Variants in XPR1 observed in about 807,000 individuals in gnomAD.
XPR1 encodes xenotropic and polytropic retrovirus receptor 1, also known as solute carrier family 53 member 1.
XPR1 carries 28 observed loss-of-function variants against 87.5 expected under a neutral mutation model. The ratio of observed to expected loss-of-function variants is 0.32; its 90% CI spans 0.24 to 0.44. The LOEUF is 0.44. Among genes scored for constraint, XPR1 ranks in the 20% least tolerant of loss-of-function variants. The pLI is 1.00. For synonymous variants in XPR1, 300 were observed against 306.1 expected (o/e 0.98, Z 0.21); for missense variants, 559 against 862.3 (o/e 0.65, Z 4.41).
chr1:180,719,742 A>G (rs1026540938), intron 2 of XPR1, among the ~76,000 whole-genome samples: 6 of 152,178 alleles, frequency 3.9e-5, no homozygotes, highest in South Asian at 2.1e-4. Flanking sequence ...TGTTGCGAGC[A>G]TCTTAAAAAA....
chr1:180,752,756 G>T (rs1489167093), intron 2 of XPR1, among the ~76,000 whole-genome samples: 1 of 151,822 alleles, frequency 6.6e-6, no homozygotes, highest in African/African-American at 2.4e-5. Context: ...TTGAACATTT[G>T]GTTATTATTT....
At chr1:180,745,917 T>G (rs764785513) in intron 2 of XPR1, among the ~76,000 whole-genome samples, 5 of 152,238 alleles carry the variant, frequency 3.3e-5, no homozygotes, top group Non-Finnish European at 7.3e-5. Context: ...ACCAAAACTT[T>G]GCTTGCTTTT....
At chr1:180,735,921 C>T (rs1242732408) in intron 2 of XPR1, among the ~76,000 whole-genome samples, 3 of 152,056 alleles carry the variant, frequency 2.0e-5, no homozygotes, top group African/African-American at 4.8e-5. Flanking sequence ...GTTCATTACC[C>T]CTCAAGGCAT....
chr1:180,759,558 A>G (rs1395602135), intron 2 of XPR1, among the ~76,000 whole-genome samples: 1 of 152,200 alleles, frequency 6.6e-6, no homozygotes, highest in Non-Finnish European at 1.5e-5. Context: ...TCCCAAGACT[A>G]AACCAGGAAG....
chr1:180,802,313 T>C (rs760156988), intron 3 of XPR1, among the ~76,000 whole-genome samples: 2 of 152,204 alleles, frequency 1.3e-5, no homozygotes, highest in Non-Finnish European at 2.9e-5. Context: ...AGAGTATTAT[T>C]TTTAAATGTA....
intron 2 of XPR1, among the ~76,000 whole-genome samples, chr1:180,708,780 A>C (rs1657641973): frequency 6.6e-6 from 1 of 152,074 alleles, no homozygotes; most frequent in African/African-American, 2.4e-5. Flanking sequence ...TTGTAAAGTT[A>C]AATATTGTTT....
chr1:180,861,148 T>G (rs1292283429), intron 11 of XPR1, among the ~76,000 whole-genome samples: 1 of 152,156 alleles, frequency 6.6e-6, no homozygotes, highest in Non-Finnish European at 1.5e-5. Context: ...TATTACTCTA[T>G]TCTCATGTCC....
chr1:180,652,429 T>C (rs1179651481), intron 1 of XPR1, among the ~76,000 whole-genome samples: 1 of 152,230 alleles, frequency 6.6e-6, no homozygotes, highest in Non-Finnish European at 1.5e-5. Context: ...AGCTTTATTT[T>C]ATTATCAGAA....
intron 1 of XPR1, among the ~76,000 whole-genome samples, chr1:180,667,000 C>T (rs917116570): frequency 3.3e-5 from 5 of 152,176 alleles, no homozygotes; most frequent in Non-Finnish European, 7.4e-5. Flanking sequence ...ATTGCAACCT[C>T]CACCTCCCAG....
At chr1:180,702,872 T>C (rs888276991) in intron 2 of XPR1, among the ~76,000 whole-genome samples, 3 of 152,208 alleles carry the variant, frequency 2.0e-5, no homozygotes, top group Admixed American at 6.5e-5. Context: ...TCTTGCATCC[T>C]TATGCTGATA....
intron 2 of XPR1, among the ~76,000 whole-genome samples, chr1:180,703,263 T>G (rs1657419964): frequency 6.6e-6 from 1 of 152,006 alleles, no homozygotes; most frequent in South Asian, 2.1e-4. Context: ...GTGGGTTGAT[T>G]CCCAGGTCAC....
intron 3 of XPR1, among the ~76,000 whole-genome samples, chr1:180,792,575 C>T (rs1649427165): frequency 6.6e-6 from 1 of 151,966 alleles, no homozygotes; most frequent in Non-Finnish European, 1.5e-5. Context: ...TATTATGTAT[C>T]TTTGGTTAAA....
chr1:180,848,534 ACAC>A (rs1651765406), intron 11 of XPR1, among the ~76,000 whole-genome samples: 1 of 152,106 alleles, frequency 6.6e-6, no homozygotes, highest in Non-Finnish European at 1.5e-5. Context: ...TTGTGTATAT[ACAC>A]CACATTTTCT....
intron 6 of XPR1, among the ~76,000 whole-genome samples, chr1:180,808,597 C>G (rs981558669): frequency 6.6e-6 from 1 of 152,082 alleles, no homozygotes; most frequent in East Asian, 1.9e-4. Context: ...CTCCAATACT[C>G]AATAGAAGGA....
At chr1:180,840,748 A>G (rs1216686767) in intron 11 of XPR1, among the ~76,000 whole-genome samples, 1 of 151,988 alleles carries the variant, frequency 6.6e-6, no homozygotes, top group African/African-American at 2.4e-5. Flanking sequence ...AAAATTTTTA[A>G]CTAAAAAGCT....
In XPR1 at chr1:180,680,206, C is replaced by T. The variant is rs576447782; in HGVS notation, c.70-2154C>T. On this transcript the variant is annotated intron_variant, in intron 1 of 14. Transcript: ENST00000367590. ...CACCCCAGTTAGGCTGTTATCAAAACGACAAAAAACAAAACAAAACAAAAC... is the reference window on the plus strand; with the variant it reads ...CACCCCAGTTAGGCTGTTATCAAAATGACAAAAAACAAAACAAAACAAAAC... Among the ~76,000 whole-genome samples, 461 of 151,068 alleles carry T rather than the reference C, an allele frequency of 3.1e-3. 4 individuals are homozygous for T. The highest frequency in any genetic ancestry group is 9.8e-3 in the African/African-American group (403 of 41,022).
At chr1:180,786,766 A>G (rs1237366469) in intron 2 of XPR1, among the ~76,000 whole-genome samples, 2 of 152,180 alleles carry the variant, frequency 1.3e-5, no homozygotes, top group Non-Finnish European at 2.9e-5. Flanking sequence ...CAGCAACTAG[A>G]CAGACATATG....
At chr1:180,719,490 T>C (rs1191480112) in intron 2 of XPR1, among the ~76,000 whole-genome samples, 1 of 152,220 alleles carries the variant, frequency 6.6e-6, no homozygotes, top group Non-Finnish European at 1.5e-5. Context: ...TTTTGCTTTA[T>C]TAGTTTTGAA....
intron 10 of XPR1, among the ~76,000 whole-genome samples, chr1:180,836,217 G>T (rs535690108): frequency 9.2e-5 from 14 of 152,182 alleles, no homozygotes; most frequent in Admixed American, 2.0e-4. Flanking sequence ...AATTAGCTGG[G>T]TGTGGTGGTA....
Sources: allele counts gnomAD v4.1 joint callset (sites outside exome capture counted in the v4.1 genomes callset), GRCh38; gene constraint gnomAD v4.1.1; transcripts MANE v1.5; gene names NCBI Gene and HGNC (gene_info 2026-07-23, HGNC 2026-07-21).